Variants in DMD observed in about 807,000 individuals in gnomAD.
DMD encodes mutant dystrophin.
Under a neutral mutation model 330.1 loss-of-function variants are expected in DMD, and 63 were observed. The ratio of observed to expected loss-of-function variants is 0.19; its 90% CI spans 0.16 to 0.24. The LOEUF (loss-of-function observed/expected upper bound fraction) is 0.24. Among genes scored for constraint, DMD ranks in the 10% least tolerant of loss-of-function variants. The pLI, the probability that DMD is intolerant of heterozygous loss-of-function variation, is 1.00. For synonymous variants in DMD, 1,223 were observed against 959.8 expected, an observed-to-expected ratio of 1.27 and a Z score of -5.07; for missense variants, 3,344 against 2,684.1, an observed-to-expected ratio of 1.25 and a Z score of -5.43.
chrX:32,913,772 G>C (rs16998358), intron 2 of DMD, among the ~76,000 whole-genome samples: 25,567 of 111,125 alleles, frequency 0.23, 2,916 homozygotes, highest in African/African-American at 0.43. Flanking sequence ...CAACACACAG[G>C]AGGGGACCTG....
intron 44 of DMD, among the ~76,000 whole-genome samples, chrX:32,023,832 A>C (rs1192945586): frequency 8.9e-6 from 1 of 111,880 alleles, no homozygotes; most frequent in Non-Finnish European, 1.9e-5. Context: ...ACGTTAACGC[A>C]GGAACAGACA....
chrX:31,388,865 G>A (rs1445147868), intron 60 of DMD, among the ~76,000 whole-genome samples: 2 of 112,378 alleles, frequency 1.8e-5, no homozygotes, highest in African/African-American at 6.5e-5. Flanking sequence ...TCACGCCACT[G>A]CACTCCAGCC....
At position 31,567,012 on chromosome X, in the gene DMD, T is replaced by G. The variant is rs1317528395; in HGVS notation, c.8218-59559A>C. 2.7e-4 allele frequency among the ~76,000 whole-genome samples: 30 copies of G among 111,548 alleles called. No individual in the cohort carries two copies. The Admixed American group carries it at 2.9e-3, about 11-fold the overall frequency. The stretch of plus-strand genomic sequence containing the variant: ...TCATAAGATGAGGAGCATCTGTATA[T>G]AAAAATGTGACTAGCTTTGGTGTGT... On this transcript the variant is annotated intron_variant, in intron 55 of 78. Coordinates refer to ENST00000357033, the MANE Select transcript of DMD (RefSeq NM_004006.3).
intron 2 of DMD, among the ~76,000 whole-genome samples, chrX:32,888,998 T>A (rs2084933930): frequency 9.1e-6 from 1 of 110,200 alleles, no homozygotes; most frequent in African/African-American, 3.3e-5. Flanking sequence ...TTTCCTGGAC[T>A]GGATGGAGAA....
rs774121042 is a variant in DMD, at chrX:32,438,732, A to G, written c.3922-342T>C. Among the ~76,000 whole-genome samples the G allele has an allele frequency of 4.5e-5, 5 of 111,878 alleles. No individual in the cohort carries two copies. The East Asian group carries it at 1.4e-3, about 32-fold the overall frequency. ...TAGCTAGTGGTGTCCACGTGACACA[A>G]TTCTGAAAAAGAGTACTCTCTCAAG... On this transcript the variant is annotated intron_variant, in intron 28 of 78. Transcript: ENST00000357033.
chrX:31,931,416 C>T (rs146346115), intron 46 of DMD, among the ~76,000 whole-genome samples: 2,951 of 110,323 alleles, frequency 0.027, 42 homozygotes, highest in Non-Finnish European at 0.041. Context: ...CACAGTAGGA[C>T]GGTATGAAAA....
At chrX:32,198,063 A>G (rs1311965452) in intron 44 of DMD, among the ~76,000 whole-genome samples, 1 of 111,710 alleles carries the variant, frequency 9.0e-6, no homozygotes, top group Non-Finnish European at 1.9e-5. Flanking sequence ...TGAAAATGTC[A>G]GACTGTGTTT....
At chrX:32,332,623 G>A (rs890485192) in intron 41 of DMD, among the ~76,000 whole-genome samples, 1 of 110,747 alleles carries the variant, frequency 9.0e-6, no homozygotes, top group African/African-American at 3.3e-5. Context: ...GGTCAACATA[G>A]GTGGAGCAGA....
At chrX:31,301,211 C>T (rs2054614969) in intron 62 of DMD, among the ~76,000 whole-genome samples, 1 of 111,673 alleles carries the variant, frequency 9.0e-6, no homozygotes, top group African/African-American at 3.3e-5. Flanking sequence ...GAAAGCCTCC[C>T]CAACACCCTC....
At chrX:32,792,386 GATA>G (rs776302469) in intron 7 of DMD, among the ~76,000 whole-genome samples, 25 of 110,937 alleles carry the variant, frequency 2.3e-4, no homozygotes, top group South Asian at 7.5e-4. Flanking sequence ...ACACTATAAT[GATA>G]ATGAGGGAAA....
At chrX:31,857,761 C>T (rs2926068) in intron 48 of DMD, among the ~76,000 whole-genome samples, 42,775 of 107,488 alleles carry the variant, frequency 0.4, 6,153 homozygotes, top group Admixed American at 0.45. Flanking sequence ...ACGGTGTTTC[C>T]TTTTCAAAAT....
intron 44 of DMD, among the ~76,000 whole-genome samples, chrX:32,194,548 T>G (rs1389076012): frequency 8.9e-6 from 1 of 112,035 alleles, no homozygotes; most frequent in African/African-American, 3.2e-5. Flanking sequence ...CCGAGTAAAA[T>G]TCCATTCATG....
At chrX:31,213,176 G>A (rs1471429288) in intron 64 of DMD, among the ~76,000 whole-genome samples, 1 of 112,588 alleles carries the variant, frequency 8.9e-6, no homozygotes, top group East Asian at 2.8e-4. Context: ...GTAGTTGTCT[G>A]TGCAGTAAGG....
At chrX:32,035,939 A>G (rs1044316090) in intron 44 of DMD, among the ~76,000 whole-genome samples, 14 of 111,714 alleles carry the variant, frequency 1.3e-4, no homozygotes, top group African/African-American at 4.2e-4. Flanking sequence ...CAAGGAAAAG[A>G]GATGTAAGAG....
chrX:32,466,880 C>A (rs1217729835), intron 23 of DMD, among the ~76,000 whole-genome samples: 2 of 111,460 alleles, frequency 1.8e-5, no homozygotes, highest in African/African-American at 6.5e-5. Context: ...TAATCCTGAA[C>A]TTTTGACTTC....
At chrX:32,486,032 C>T (rs750367923) in intron 20 of DMD, among the ~76,000 whole-genome samples, 3 of 110,201 alleles carry the variant, frequency 2.7e-5, no homozygotes, top group South Asian at 3.9e-4. Context: ...TGAGCCACCG[C>T]GCCCAGCCAA....
intron 2 of DMD, among the ~76,000 whole-genome samples, chrX:32,965,090 AG>A (rs11344930): frequency 0.37 from 41,087 of 110,511 alleles, 6,699 homozygotes; most frequent in African/African-American, 0.64. Flanking sequence ...AACGAGGATG[AG>A]GGAGGAGGAG....
chrX:33,158,899 G>T (rs921556665), intron 1 of DMD, among the ~76,000 whole-genome samples: 2 of 111,921 alleles, frequency 1.8e-5, no homozygotes, highest in Non-Finnish European at 3.8e-5. Flanking sequence ...ATGAGTTATG[G>T]TATATCCTTT....
intron 55 of DMD, among the ~76,000 whole-genome samples, chrX:31,599,283 A>G: frequency 8.9e-6 from 1 of 112,216 alleles, no homozygotes; most frequent in South Asian, 3.7e-4. Flanking sequence ...TTTCTAATCA[A>G]GAGAAGCCTA....
Sources: gnomAD v4.1 joint callset for allele counts (sites outside exome capture counted in the v4.1 genomes callset) on GRCh38, gnomAD v4.1.1 for gene constraint, MANE v1.5 for transcripts, NCBI Gene and HGNC (gene_info 2026-07-23, HGNC 2026-07-21) for gene names.